KCNJ14: variants seen among roughly 807,000 people sequenced by gnomAD.
KCNJ14 encodes potassium inwardly rectifying channel subfamily J member 14.
Under a neutral mutation model 24.5 loss-of-function variants are expected in KCNJ14, and 18 were observed. The observed-to-expected ratio is 0.74, with a 90% confidence interval of 0.51 to 1.09. The LOEUF (loss-of-function observed/expected upper bound fraction) is 1.09, where lower values mean the gene tolerates loss of function less well. Ranked by LOEUF, KCNJ14 falls within the 50% of genes least tolerant of loss-of-function variation. KCNJ14 has a pLI of 0.00. For synonymous variants in KCNJ14, 288 were observed against 270.8 expected (o/e 1.06, Z -0.63); for missense variants, 633 against 623.0 (o/e 1.02, Z -0.17).
intron 1 of KCNJ14, among the ~76,000 whole-genome samples, chr19:48,458,060 T>C (rs759947225): frequency 3.9e-5 from 6 of 152,262 alleles, no homozygotes; most frequent in Non-Finnish European, 7.3e-5. Context: ...TCAAATACTA[T>C]TCATTGGATG....
In KCNJ14 at chr19:48,464,273, G is replaced by C. The variant is rs1569084457; in HGVS notation, c.807G>C (p.Val269=). The change falls in exon 3 of 3, where the codon GTG becomes GTC. Residue 269 remains valine, a synonymous_variant. Coordinates refer to ENST00000342291, the MANE Select transcript of KCNJ14 (RefSeq NM_013348.4). ...GAGGCACCGATCGTATCTTCCTCGT[G>C]TCCCCCATCACCATCGTCCATGAGA... The part of the protein sequence containing the change: ...FDGGTDRIFL[V]SPITIVHEID... 6.2e-7 allele frequency: 1 copy of C among 1,613,978 alleles called. No individual in the cohort carries two copies.
At position 48,466,726 on chromosome 19, in the gene KCNJ14, A is replaced by C. The variant is rs1326767034; in HGVS notation, c.*1949A>C. The C allele has an allele frequency of 6.6e-5, 10 of 152,210 alleles. No individual in the cohort carries two copies. In the East Asian group the frequency reaches 1.3e-3, roughly 20 times the overall value. The allele number at this position is 152,210 out of a possible 1,614,324, so 9.4% of individuals were successfully genotyped here. ...TCCTGGGGATTTCCCTCCTCTCCCC[A>C]GTGCTGGATCATACGGCCTTCCAGG... On this transcript the variant is annotated 3_prime_UTR_variant, in exon 3 of 3. Coordinates refer to ENST00000342291, the MANE Select transcript of KCNJ14 (RefSeq NM_013348.4).
In KCNJ14 at chr19:48,461,842, C is replaced by G; in HGVS notation, c.118C>G (p.Pro40Ala). 2.0e-6 allele frequency: 3 copies of G among 1,531,030 alleles called. No homozygotes were observed. Among genetic ancestry groups the G allele is most frequent in the South Asian group, 2.5e-5 (2 of 80,644 alleles). The allele number at this position is 1,531,030 out of a possible 1,614,324, so 94.8% of individuals were successfully genotyped here. ...GTGCCGCAACGGGTGGGCGCCGGCACCGGTGCAGTCACCCGTGGGCCGGCG... is the reference window on the plus strand; with the variant it reads ...GTGCCGCAACGGGTGGGCGCCGGCAGCGGTGCAGTCACCCGTGGGCCGGCG... ...GLCRNGWAPA[P>A]VQSPVGRRRG... The change falls in exon 2 of 3, where the codon CCG (proline) becomes GCG (alanine). Residue 40 changes from proline (P) to alanine (A), a missense_variant. By Grantham distance (27) the Pro-to-Ala change is conservative. Coordinates refer to ENST00000342291, the MANE Select transcript of KCNJ14 (RefSeq NM_013348.4).
chr19:48,461,826 C>A lies in KCNJ14; in HGVS notation c.102C>A (p.Asn34Lys). The change falls in exon 2 of 3, where the codon AAC becomes AAA. Residue 34 changes from asparagine to lysine, a missense_variant. By Grantham distance (94) the Asn-to-Lys change is moderately conservative. Transcript: ENST00000342291. ...EEEAGPGLCR[N>K]GWAPAPVQSP... ...AGGCCGGGCCCGGGTTGTGCCGCAA[C>A]GGGTGGGCGCCGGCACCGGTGCAGT... 1.3e-6 allele frequency: 2 copies of A among 1,506,246 alleles called. No individual in the cohort carries two copies. Among genetic ancestry groups the A allele is most frequent in the Non-Finnish European group, 1.8e-6 (2 of 1,130,096 alleles). The allele number at this position is 1,506,246 out of a possible 1,614,324, so 93.3% of individuals were successfully genotyped here.
chr19:48,455,805 C>G lies in KCNJ14; in HGVS notation c.-109C>G, dbSNP rs888851223. 1 of 152,280 alleles carries G rather than the reference C, an allele frequency of 6.6e-6. No homozygotes were observed. Among genetic ancestry groups the G allele is most frequent in the Non-Finnish European group, 1.5e-5 (1 of 68,092 alleles). 9.4% of individuals were successfully genotyped at this position (152,280 alleles called of 1,614,324 possible). A position where few individuals can be genotyped will look rare whatever the true frequency, so the allele number is the denominator to read the frequency against. ...TCATGGCGTTCCCTGAGCCTGTTCC[C>G]CAACTGTGAAAGGGGGTGATGATCT... On this transcript the variant is annotated 5_prime_UTR_variant, in exon 1 of 3. Transcript: ENST00000342291.
intron 1 of KCNJ14, chr19:48,456,285 G>A (rs1186118855): frequency 6.6e-6 from 1 of 152,352 alleles, no homozygotes; most frequent in Non-Finnish European, 1.5e-5. Flanking sequence ...GGCTGCAGGT[G>A]TAGATGCTGC....
chr19:48,460,725 A>G (rs1971585666), intron 1 of KCNJ14, among the ~76,000 whole-genome samples: 1 of 152,266 alleles, frequency 6.6e-6, no homozygotes, highest in Non-Finnish European at 1.5e-5. Flanking sequence ...TGAATTCAGT[A>G]CATAGATTTA....
intron 1 of KCNJ14, chr19:48,456,913 C>G (rs1971545364): frequency 6.6e-6 from 1 of 151,802 alleles, no homozygotes; most frequent in Non-Finnish European, 1.5e-5. Flanking sequence ...GGTTCTCAAA[C>G]CCCTGGCCTC....
chr19:48,459,769 C>T lies in KCNJ14; in HGVS notation c.-55-1901C>T, dbSNP rs1215446295. Among the ~76,000 whole-genome samples the T allele has an allele frequency of 4.6e-5, 7 of 152,234 alleles. No individual in the cohort carries two copies. In the East Asian group the frequency reaches 1.4e-3, roughly 30 times the overall value. ...TCTGGCCGGGTGCAGTGGCTCACGC[C>T]TGTAATCCCAGTACTTTAGGAGGCC... is the stretch of plus-strand genomic sequence containing the variant. On this transcript the variant is annotated intron_variant, in intron 1 of 2. Transcript: ENST00000342291.
At chr19:48,459,792 G>A (rs1353014860) in intron 1 of KCNJ14, among the ~76,000 whole-genome samples, 1 of 152,068 alleles carries the variant, frequency 6.6e-6, no homozygotes, top group East Asian at 1.9e-4. Flanking sequence ...ACTTTAGGAG[G>A]CCAAGGCAGG....
At position 48,462,900 on chromosome 19, in the gene KCNJ14, C is replaced by G. The variant is rs769739131; in HGVS notation, c.714+462C>G. Among the ~76,000 whole-genome samples, 1 of 152,154 alleles carries G rather than the reference C, an allele frequency of 6.6e-6. No individual in the cohort carries two copies. The highest frequency in any genetic ancestry group is 2.4e-5 in the African/African-American group (1 of 41,432). On this transcript the variant is annotated intron_variant, in intron 2 of 2. Coordinates refer to ENST00000342291, the MANE Select transcript of KCNJ14 (RefSeq NM_013348.4). The surrounding 1 kb of genome is among the most constrained non-coding windows in gnomAD (Gnocchi z 4.9). ...CTGTGGCACAGTCGGAGGCCTGTGA[C>G]TTGAGGCCCCCGGGAGAAGCAGGCC...
intron 1 of KCNJ14, chr19:48,456,810 T>C (rs1971543885): frequency 6.6e-6 from 1 of 152,202 alleles, no homozygotes; most frequent in Non-Finnish European, 1.5e-5. Context: ...GACAGGCTGC[T>C]GCGATTCCCT....
In KCNJ14 at chr19:48,466,860, G is replaced by T. The variant is rs764488808; in HGVS notation, c.*2083G>T. 2 of 152,326 alleles carry T rather than the reference G, an allele frequency of 1.3e-5. No homozygotes were observed. Among genetic ancestry groups the T allele is most frequent in the African/African-American group, 2.4e-5 (1 of 41,456 alleles). The allele number at this position is 152,326 out of a possible 1,614,324, so 9.4% of individuals were successfully genotyped here. A position where few individuals can be genotyped will look rare whatever the true frequency, so the allele number is the denominator to read the frequency against. The stretch of plus-strand genomic sequence containing the variant: ...GGCTAACAGCCAGAGTCACTTCCCT[G>T]GCCTAGCTTGGGGACCTGGGGAGGA... On this transcript the variant is annotated 3_prime_UTR_variant, in exon 3 of 3. Transcript: ENST00000342291.
At position 48,464,453 on chromosome 19, in the gene KCNJ14, T is replaced by C; in HGVS notation, c.987T>C (p.His329=). The change falls in exon 3 of 3, where the codon CAT becomes CAC. Residue 329 remains histidine, a synonymous_variant. Coordinates refer to ENST00000342291, the MANE Select transcript of KCNJ14 (RefSeq NM_013348.4). The stretch of plus-strand genomic sequence containing the variant: ...TCCCTGGTGAACTGCTCTGGGGCCA[T>C]CGTTTTGAGCCAGTTCTCTTCCAGC... ...SYLPGELLWG[H]RFEPVLFQRG... is the part of the protein sequence containing the mutation. The C allele has an allele frequency of 6.2e-7, 1 of 1,613,878 alleles. No homozygotes were observed. Among genetic ancestry groups the C allele is most frequent in the Non-Finnish European group, 8.5e-7 (1 of 1,179,940 alleles).
intron 1 of KCNJ14, among the ~76,000 whole-genome samples, chr19:48,458,304 A>G (rs1445800880): frequency 6.6e-6 from 1 of 152,208 alleles, no homozygotes; most frequent in Non-Finnish European, 1.5e-5. Context: ...CATTCCCCAC[A>G]GCAGTGTATG....
rs781306557 is a variant in KCNJ14, at chr19:48,464,601, T to C, written c.1135T>C (p.Ser379Pro). ...AGAGCAGGCTTCCCACAGCCTCAAG[T>C]CTAGTTTCCCCGGCTCTCTGACTGC... ...RAEQASHSLK[S>P]SFPGSLTAFC... Residue 379 changes from serine (S) to proline (P), a missense_variant, in exon 3 of 3, where the codon TCT becomes CCT. Ser to Pro is a moderately conservative substitution (Grantham distance 74). Transcript: ENST00000342291. 1.9e-6 allele frequency: 3 copies of C among 1,614,102 alleles called. No individual in the cohort carries two copies. Among genetic ancestry groups the C allele is most frequent in the Non-Finnish European group, 2.5e-6 (3 of 1,180,022 alleles).
intron 1 of KCNJ14, among the ~76,000 whole-genome samples, chr19:48,459,929 T>C (rs1215933651): frequency 6.6e-6 from 1 of 150,786 alleles, no homozygotes; most frequent in African/African-American, 2.5e-5. Context: ...CTCGGGAGGC[T>C]GAGGCAGGAG....
At chr19:48,461,071 A>T (rs1010448416) in intron 1 of KCNJ14, among the ~76,000 whole-genome samples, 2 of 152,172 alleles carry the variant, frequency 1.3e-5, no homozygotes, top group Non-Finnish European at 1.5e-5. Flanking sequence ...CTGTAATCCC[A>T]GCACTTTGGG....
rs1450459799 is a variant in KCNJ14, at chr19:48,465,331, A to T, written c.*554A>T. Reference sequence around the variant, plus strand: ...TTGATTGACCAAAGACCAAAAAAAAAAAAAAGACCTGTGGTTCCAGAAAGC... The same window carrying T: ...TTGATTGACCAAAGACCAAAAAAAATAAAAAGACCTGTGGTTCCAGAAAGC... On this transcript the variant is annotated 3_prime_UTR_variant, in exon 3 of 3. Coordinates refer to ENST00000342291, the MANE Select transcript of KCNJ14 (RefSeq NM_013348.4). The T allele has an allele frequency of 6.5e-6, 1 of 153,466 alleles. No individual in the cohort carries two copies. Among genetic ancestry groups the T allele is most frequent in the Non-Finnish European group, 1.4e-5 (1 of 68,976 alleles). The allele number at this position is 153,466 out of a possible 1,614,324, so 9.5% of individuals were successfully genotyped here.
Sources: gnomAD v4.1 joint callset for allele counts (sites outside exome capture counted in the v4.1 genomes callset) on GRCh38, gnomAD v4.1.1 for gene constraint, Gnocchi (gnomAD v3.1) non-coding constraint, MANE v1.5 for transcripts, NCBI Gene and HGNC (gene_info 2026-07-23, HGNC 2026-07-21) for gene names.